AGBL1: variants seen among roughly 807,000 people sequenced by gnomAD.
AGBL1 encodes AGBL carboxypeptidase 1.
AGBL1 carries 130 observed loss-of-function variants against 118.9 expected under a neutral mutation model. The ratio of observed to expected loss-of-function variants is 1.09; its 90% CI spans 0.95 to 1.26. The LOEUF is 1.26. Ranked by LOEUF, AGBL1 falls within the 50% of genes most tolerant of loss-of-function variation. The pLI, the probability that AGBL1 is intolerant of heterozygous loss-of-function variation, is 0.00. For synonymous variants in AGBL1, 555 were observed against 478.9 expected (o/e 1.16, Z -2.08); for missense variants, 1,584 against 1,298.1 (o/e 1.22, Z -3.38).
chr15:86,504,287 AC>A (rs1307988493), intron 18 of AGBL1, among the ~76,000 whole-genome samples: 2 of 151,276 alleles, frequency 1.3e-5, no homozygotes, highest in African/African-American at 4.8e-5. Context: ...CCTTCTTTTA[AC>A]CCATTGTGTC....
At position 86,790,822 on chromosome 15, in the gene AGBL1, G is replaced by C. The variant is rs146238922; in HGVS notation, c.3159-116265G>C. Among the ~76,000 whole-genome samples, 3 of 152,060 alleles carry C rather than the reference G, an allele frequency of 2.0e-5. No homozygotes were observed. In the East Asian group the frequency reaches 5.8e-4, roughly 29 times the overall value. On this transcript the variant is annotated intron_variant, in intron 22 of 22. Transcript: ENST00000614907. ...AAATGTATAACAGTTCTATGTGGTA[G>C]CAGCTCCTGGAACACACCGTATGGC... is the stretch of plus-strand genomic sequence containing the variant.
At chr15:86,696,291 G>A (rs1434370448) in intron 22 of AGBL1, among the ~76,000 whole-genome samples, 1 of 151,870 alleles carries the variant, frequency 6.6e-6, no homozygotes, top group East Asian at 1.9e-4. Context: ...ATTTAGGATT[G>A]TGATATTTTC....
At chr15:86,126,126 T>C (rs537104381) in intron 1 of AGBL1, among the ~76,000 whole-genome samples, 32 of 152,362 alleles carry the variant, frequency 2.1e-4, no homozygotes, top group African/African-American at 7.7e-4. Context: ...CCTTGGAAGC[T>C]ATTTTTTTTC....
intron 18 of AGBL1, among the ~76,000 whole-genome samples, chr15:86,475,490 T>C (rs941256287): frequency 1.3e-5 from 2 of 152,022 alleles, no homozygotes; most frequent in Non-Finnish European, 2.9e-5. Context: ...GAAGATCAAA[T>C]GAATGAAAAG....
chr15:86,196,883 AC>A (rs2077820131), intron 5 of AGBL1, among the ~76,000 whole-genome samples: 1 of 75,486 alleles, frequency 1.3e-5, no homozygotes, highest in Non-Finnish European at 2.7e-5. Flanking sequence ...GCGCGCGCAC[AC>A]ACACACACAC....
At chr15:86,455,511 A>G (rs1229614529) in intron 18 of AGBL1, among the ~76,000 whole-genome samples, 2 of 152,194 alleles carry the variant, frequency 1.3e-5, no homozygotes, top group African/African-American at 4.8e-5. Context: ...TATCTAAATC[A>G]TATGCCTGTA....
intron 22 of AGBL1, among the ~76,000 whole-genome samples, chr15:86,838,199 T>G (rs1381049389): frequency 1.3e-5 from 2 of 151,986 alleles, no homozygotes; most frequent in Non-Finnish European, 2.9e-5. Flanking sequence ...AAAAATCTTA[T>G]GTTTATATTT....
intron 18 of AGBL1, among the ~76,000 whole-genome samples, chr15:86,508,764 T>G (rs1420007344): frequency 6.6e-6 from 1 of 152,150 alleles, no homozygotes; most frequent in African/African-American, 2.4e-5. Flanking sequence ...ACATACAAGA[T>G]GCAGTACTAT....
intron 21 of AGBL1, among the ~76,000 whole-genome samples, chr15:86,572,779 G>A (rs183605943): frequency 3.9e-5 from 6 of 152,366 alleles, no homozygotes; most frequent in Admixed American, 3.9e-4. Flanking sequence ...CATGATGGCA[G>A]TGGCTGCTCT....
At chr15:86,346,377 C>T (rs565216853) in intron 17 of AGBL1, among the ~76,000 whole-genome samples, 19 of 148,730 alleles carry the variant, frequency 1.3e-4, no homozygotes, top group African/African-American at 3.7e-4. Flanking sequence ...GATGAAGTCT[C>T]GCTCTGTTGC....
intron 22 of AGBL1, among the ~76,000 whole-genome samples, chr15:86,710,164 A>C (rs2086531087): frequency 1.2e-5 from 1 of 80,662 alleles, no homozygotes; most frequent in Non-Finnish European, 2.6e-5. Flanking sequence ...GAAGAGGCTG[A>C]TTTGCTGAAC....
intron 22 of AGBL1, among the ~76,000 whole-genome samples, chr15:86,784,646 T>C (rs915910901): frequency 2.6e-5 from 4 of 152,298 alleles, no homozygotes; most frequent in East Asian, 3.9e-4. Context: ...ACTTTTCTTA[T>C]ACAGTTTCCC....
intron 22 of AGBL1, among the ~76,000 whole-genome samples, chr15:86,755,868 G>T (rs796806116): frequency 7.9e-5 from 12 of 152,214 alleles, no homozygotes; most frequent in African/African-American, 2.6e-4. Context: ...GTGTTGGGGA[G>T]GAGACTCTAC....
chr15:86,239,332 C>T (rs576617767), intron 6 of AGBL1, among the ~76,000 whole-genome samples: 4 of 152,148 alleles, frequency 2.6e-5, no homozygotes, highest in South Asian at 2.1e-4. Flanking sequence ...AAAAAGTACC[C>T]GAAAGCTAAT....
At chr15:86,451,994 A>AC (rs1392500328) in intron 18 of AGBL1, among the ~76,000 whole-genome samples, 1 of 152,098 alleles carries the variant, frequency 6.6e-6, no homozygotes, top group Non-Finnish European at 1.5e-5. Flanking sequence ...TTCTACTTGA[A>AC]CCAGCTGTTC....
At chr15:86,747,960 G>A (rs1596443891) in intron 22 of AGBL1, among the ~76,000 whole-genome samples, 1 of 152,146 alleles carries the variant, frequency 6.6e-6, no homozygotes, top group Non-Finnish European at 1.5e-5. Context: ...TGACTTTATA[G>A]CAGCATGATT....
chr15:87,003,958 T>G (rs1596729903), intron 24 of AGBL1, among the ~76,000 whole-genome samples: 1 of 152,210 alleles, frequency 6.6e-6, no homozygotes, highest in African/African-American at 2.4e-5. Context: ...TTTGTGTCTC[T>G]ATCTCCTTCA....
At chr15:86,538,007 A>C (rs996021029) in intron 19 of AGBL1, among the ~76,000 whole-genome samples, 7 of 152,230 alleles carry the variant, frequency 4.6e-5, no homozygotes, top group Non-Finnish European at 1.0e-4. Context: ...TGTAACTGAA[A>C]TATTTTGGAA....
intron 22 of AGBL1, among the ~76,000 whole-genome samples, chr15:86,725,754 G>T (rs549495656): frequency 1.2e-4 from 18 of 152,280 alleles, no homozygotes; most frequent in Admixed American, 5.2e-4. Flanking sequence ...TGATGCCACT[G>T]GTAGGTATGC....
Sources: gnomAD v4.1 joint callset for allele counts (sites outside exome capture counted in the v4.1 genomes callset) on GRCh38, gnomAD v4.1.1 for gene constraint, MANE v1.5 for transcripts, NCBI Gene and HGNC (gene_info 2026-07-23, HGNC 2026-07-21) for gene names.